CPT2: variants seen among roughly 807,000 people sequenced by gnomAD.
CPT2 encodes the protein carnitine palmitoyltransferase 2, also known as carnitine O-palmitoyltransferase 2, mitochondrial.
A neutral mutation model predicts 48.6 loss-of-function variants in CPT2; 37 were observed. The ratio of observed to expected loss-of-function variants is 0.76; its 90% CI spans 0.59 to 1.00. The LOEUF (loss-of-function observed/expected upper bound fraction) is 1.00, where lower values mean the gene tolerates loss of function less well. Among genes scored for constraint, CPT2 ranks in the 50% least tolerant of loss-of-function variants. The pLI is 0.00. For missense variants in CPT2, 772 were observed against 825.6 expected (o/e 0.94, Z 0.80); for synonymous variants, 319 against 326.9 (o/e 0.98, Z 0.26).
In CPT2 at chr1:53,213,656, T is replaced by TGAGCCACCATGCCC; in HGVS notation, c.*62_*63insAGCCACCATGCCCG. 1.4e-6 allele frequency: 2 copies of TGAGCCACCATGCCC among 1,446,596 alleles called. No homozygotes were observed. The highest frequency in any genetic ancestry group is 1.9e-6 in the Non-Finnish European group (2 of 1,049,546). The allele number at this position is 1,446,596 out of a possible 1,614,324, so 89.6% of individuals were successfully genotyped here. A position where few individuals can be genotyped will look rare whatever the true frequency, so the allele number is the denominator to read the frequency against. ...ATCATGAAAACTGGGAGGCCGGGCA[T>TGAGCCACCATGCCC]GGTGGCTCATGCCTGTAATCCCAGC... On this transcript the variant is annotated 3_prime_UTR_variant, in exon 5 of 5. Coordinates refer to ENST00000371486, the MANE Select transcript of CPT2 (RefSeq NM_000098.3).
At chr1:53,200,617 G>A (rs1374290847) in intron 1 of CPT2, 102 bp from the exon 2 acceptor site, 8 of 919,478 alleles carry the variant, frequency 8.7e-6, no homozygotes, top group Non-Finnish European at 1.4e-5. Flanking sequence ...ATTGGTTTTG[G>A]GGGAGGAAAT....
intron 4 of CPT2, 120 bp downstream of exon 4, chr1:53,211,439 A>G (rs1238496773): frequency 2.8e-6 from 3 of 1,069,066 alleles, no homozygotes; most frequent in Non-Finnish European, 4.1e-6. Flanking sequence ...TCCATCGCCA[A>G]CTCCCCAAAT....
chr1:53,210,483 A>T lies in CPT2; in HGVS notation c.809A>T (p.Gln270Leu), dbSNP rs765964579. 3.7e-6 allele frequency: 6 copies of T among 1,614,108 alleles called. No homozygotes were observed. Among genetic ancestry groups the T allele is most frequent in the South Asian group, 2.2e-5 (2 of 91,076 alleles). Residue 270 changes from glutamine to leucine, a missense_variant, in exon 4 of 5, where the codon CAG becomes CTG. Gln to Leu is a moderately radical substitution (Grantham distance 113). Transcript: ENST00000371486. The part of the protein sequence containing the change: ...DGNIVSPSEI[Q>L]AHLKYILSDS... Reference sequence around the variant, plus strand: ...AACATTGTGAGCCCCTCGGAAATCCAGGCACATCTGAAGTACATTCTCTCA... The same window carrying T: ...AACATTGTGAGCCCCTCGGAAATCCTGGCACATCTGAAGTACATTCTCTCA...
At chr1:53,199,893 A>AT (rs1424648767) in intron 1 of CPT2, 4 of 152,230 alleles carry the variant, frequency 2.6e-5, no homozygotes, top group Non-Finnish European at 5.9e-5. Context: ...TGACTGATAC[A>AT]TTTCAGTATT....
intron 3 of CPT2, among the ~76,000 whole-genome samples, chr1:53,207,261 T>C (rs981203013): frequency 6.6e-6 from 1 of 152,222 alleles, no homozygotes; most frequent in East Asian, 1.9e-4. Flanking sequence ...TAGTTCTTTA[T>C]AGCAGTGTGA....
intron 3 of CPT2, among the ~76,000 whole-genome samples, chr1:53,204,712 G>T (rs527811616): frequency 2.6e-5 from 4 of 152,252 alleles, no homozygotes; most frequent in Non-Finnish European, 5.9e-5. Flanking sequence ...GGGACCTGGA[G>T]GGAGGTGATT....
chr1:53,213,431 G>C lies in CPT2; in HGVS notation c.1813G>C (p.Val605Leu), dbSNP rs751557097. 6.8e-6 allele frequency: 11 copies of C among 1,614,266 alleles called. No individual in the cohort carries two copies. The East Asian group carries it at 2.5e-4, about 36-fold the overall frequency. The stretch of plus-strand genomic sequence containing the variant: ...AGTGAACCTTGGGGGCTTTGCCCCT[G>C]TGGTCTCTGATGGCTTTGGTGTTGG... ...PAVNLGGFAP[V>L]VSDGFGVGYA... Residue 605 changes from valine to leucine, a missense_variant, in exon 5 of 5, where the codon GTG (valine) becomes CTG (leucine). Coordinates refer to ENST00000371486, the MANE Select transcript of CPT2 (RefSeq NM_000098.3).
chr1:53,199,928 T>C (rs1168179321), intron 1 of CPT2: 1 of 152,190 alleles, frequency 6.6e-6, no homozygotes, highest in Non-Finnish European at 1.5e-5. Context: ...TAATTTTGAG[T>C]TGGTAGAGGC....
rs763340721 is a variant in CPT2 at position 53,211,175 on chromosome 1, A to T, written c.1501A>T (p.Thr501Ser). ...TAAFKHGRTE[T>S]IRPASVYTKR... ...CGCATTCAAGCACGGCCGCACTGAG[A>T]CCATCCGCCCGGCCTCCGTCTATAC... is the stretch of plus-strand genomic sequence containing the variant. The change falls in exon 4 of 5, where the codon ACC (threonine) becomes TCC (serine). Residue 501 changes from threonine (T) to serine (S), a missense_variant. Coordinates refer to ENST00000371486, the MANE Select transcript of CPT2 (RefSeq NM_000098.3). 1.9e-6 allele frequency: 3 copies of T among 1,609,206 alleles called. No homozygotes were observed. The highest frequency in any genetic ancestry group is 2.5e-6 in the Non-Finnish European group (3 of 1,176,552).
At chr1:53,211,514 C>T in intron 4 of CPT2, 195 bp downstream of exon 4, 1 of 599,486 alleles carries the variant, frequency 1.7e-6, no homozygotes, top group Non-Finnish European at 3.0e-6. Context: ...ATGTTCTTGC[C>T]TCCTAAGCAG....
Position 53,213,174 on chromosome 1 carries a change from A to T in CPT2, c.1646-90A>T, listed in dbSNP as rs1175085816. 1.7e-5 allele frequency: 22 copies of T among 1,265,294 alleles called. No individual in the cohort carries two copies. The Admixed American group carries it at 3.9e-4, about 22-fold the overall frequency. 78.4% of individuals were successfully genotyped at this position (1,265,294 alleles called of 1,614,324 possible). A position where few individuals can be genotyped will look rare whatever the true frequency, so the allele number is the denominator to read the frequency against. ...TTCCCCCACTCTCAAGGATGCTGTG[A>T]GGGGTATTCCTACCATGTGGTGAGT... On this transcript the variant is annotated intron_variant, in intron 4 of 4. Transcript: ENST00000371486.
At chr1:53,207,802 A>G (rs1315087763) in intron 3 of CPT2, 2 of 152,170 alleles carry the variant, frequency 1.3e-5, no homozygotes, top group Non-Finnish European at 2.9e-5. Context: ...TAAGTCTTCT[A>G]CAGGAGTGAG....
chr1:53,211,531 G>C lies in CPT2; in HGVS notation c.1645+212G>C, dbSNP rs115905875. On this transcript the variant is annotated intron_variant, in intron 4 of 4. Coordinates refer to ENST00000371486, the MANE Select transcript of CPT2 (RefSeq NM_000098.3). ...GTTCTTGCCTCCTAAGCAGGGGTGG[G>C]GAAATGCATGTGTCTTTGTCCTCAT... 1.4e-5 allele frequency: 8 copies of C among 587,058 alleles called. No individual in the cohort carries two copies. In the African/African-American group the frequency reaches 1.5e-4, roughly 11 times the overall value. The allele number at this position is 587,058 out of a possible 1,614,324, so 36.4% of individuals were successfully genotyped here.
At chr1:53,207,058 T>C (rs1645393997) in intron 3 of CPT2, among the ~76,000 whole-genome samples, 2 of 152,274 alleles carry the variant, frequency 1.3e-5, no homozygotes, top group Non-Finnish European at 1.5e-5. Context: ...GATAGTGAGT[T>C]CTCATGAGAT....
Position 53,213,480 on chromosome 1 carries a change from TAGGCTGCAATGTCTCTTCCTACCC to T in CPT2, c.1867_1890del (p.Cys623_Gly630del), listed in dbSNP as rs1553170006. On this transcript the variant is annotated inframe_deletion, in exon 5 of 5. Coordinates refer to ENST00000371486, the MANE Select transcript of CPT2 (RefSeq NM_000098.3). ...GGGTATGCTGTTCATGACAACTGGA[TAGGCTGCAATGTCTCTTCCTACCC>T]AGGCCGCAATGCCCGGGAGTTTCTC... is the stretch of plus-strand genomic sequence containing the variant. 6.2e-7 allele frequency: 1 copy of T among 1,614,254 alleles called. No individual in the cohort carries two copies. The highest frequency in any genetic ancestry group is 8.5e-7 in the Non-Finnish European group (1 of 1,180,038).
Position 53,213,845 on chromosome 1 carries a change from G to A in CPT2, c.*250G>A. The stretch of plus-strand genomic sequence containing the variant: ...TTGGGAGGTTGAAGCAGAATTGCTT[G>A]AACCCAGGAGGTGGAGGTTGCAGTG... On this transcript the variant is annotated 3_prime_UTR_variant, in exon 5 of 5. Transcript: ENST00000371486. 4.5e-6 allele frequency: 2 copies of A among 449,288 alleles called. No individual in the cohort carries two copies. Among genetic ancestry groups the A allele is most frequent in the Non-Finnish European group, 4.1e-6 (1 of 242,550 alleles). The allele number at this position is 449,288 out of a possible 1,614,324, so 27.8% of individuals were successfully genotyped here.
intron 4 of CPT2, among the ~76,000 whole-genome samples, chr1:53,211,789 G>A (rs1289463901): frequency 6.6e-6 from 1 of 151,758 alleles, no homozygotes; most frequent in African/African-American, 2.4e-5. Context: ...AGTAAAGAAG[G>A]GGTTTTGCCA....
rs527257375 is a variant in CPT2 at position 53,213,619 on chromosome 1, C to G, written c.*24C>G. On this transcript the variant is annotated 3_prime_UTR_variant, in exon 5 of 5. Transcript: ENST00000371486. ...AACTTCTGGGCAGATGAAAAGCTAC[C>G]ATCACTTCCTCATCATGAAAACTGG... is the stretch of plus-strand genomic sequence containing the variant. 1 of 1,598,060 alleles carries G rather than the reference C, an allele frequency of 6.3e-7. No individual in the cohort carries two copies. Among genetic ancestry groups the G allele is most frequent in the South Asian group, 1.1e-5 (1 of 90,302 alleles).
Position 53,197,006 on chromosome 1 carries a change from C to A in CPT2, c.63C>A (p.Pro21=). The A allele has an allele frequency of 6.5e-7, 1 of 1,533,328 alleles. No homozygotes were observed. The highest frequency in any genetic ancestry group is 8.7e-7 in the Non-Finnish European group (1 of 1,144,630). The allele number at this position is 1,533,328 out of a possible 1,614,324, so 95.0% of individuals were successfully genotyped here. The change falls in exon 1 of 5, where the codon CCC becomes CCA. Residue 21 remains proline (P), a synonymous_variant. Coordinates refer to ENST00000371486, the MANE Select transcript of CPT2 (RefSeq NM_000098.3). ...GCCCCGCGGTTGGTCCGGGAGCCCC[C>A]AGTCGGCCCCTCAGCGCCGGCTCCG... ...PRGPAVGPGA[P]SRPLSAGSGP... is the part of the protein sequence containing the mutation.
Sources: gnomAD v4.1 joint callset for allele counts (sites outside exome capture counted in the v4.1 genomes callset) on GRCh38, gnomAD v4.1.1 for gene constraint, MANE v1.5 for transcripts, NCBI Gene and HGNC (gene_info 2026-07-23, HGNC 2026-07-21) for gene names.